Variants in PRKACB observed in about 807,000 individuals in gnomAD.
PRKACB encodes the protein cAMP-dependent protein kinase catalytic subunit beta.
Under a neutral mutation model 51.4 loss-of-function variants are expected in PRKACB, and 16 were observed. The ratio of observed to expected loss-of-function variants is 0.31; its 90% CI spans 0.21 to 0.47. The LOEUF (loss-of-function observed/expected upper bound fraction) is 0.47, where lower values mean the gene tolerates loss of function less well. Among genes scored for constraint, PRKACB ranks in the 20% least tolerant of loss-of-function variants. PRKACB has a pLI of 1.00. For missense variants in PRKACB, 309 were observed against 464.5 expected (o/e 0.67, Z 3.08); for synonymous variants, 147 against 154.4 (o/e 0.95, Z 0.35).
chr1:84,140,081 T>C (rs764622097), upstream of PRKACB, among the ~76,000 whole-genome samples: 2 of 151,350 alleles, frequency 1.3e-5, no homozygotes, highest in Non-Finnish European at 3.0e-5. Context: ...GAAAAAAAAA[T>C]AGAAGATTTA....
intron 8 of PRKACB, 82 bp downstream of exon 8, chr1:84,202,887 AATT>A (rs1572405940): frequency 1.7e-6 from 2 of 1,209,154 alleles, no homozygotes; most frequent in Non-Finnish European, 2.2e-6. Flanking sequence ...ATTGTGTCAT[AATT>A]ATTATTCTAC....
rs1676737857 is a variant in PRKACB at position 84,237,229 on chromosome 1, T to C, written c.*1924T>C. ...TCATGTTAATAAATTTAAAACATCA[T>C]TCGTATAAAATATTTTAATTTTCTT... On this transcript the variant is annotated 3_prime_UTR_variant, in exon 10 of 10. Transcript: ENST00000370685. 1 of 152,606 alleles carries C rather than the reference T, an allele frequency of 6.6e-6. No individual in the cohort carries two copies. Among genetic ancestry groups the C allele is most frequent in the Non-Finnish European group, 1.5e-5 (1 of 67,994 alleles). 9.5% of individuals were successfully genotyped at this position (152,606 alleles called of 1,614,324 possible).
At chr1:84,172,435 T>C (rs906582717) in intron 1 of PRKACB, among the ~76,000 whole-genome samples, 3 of 151,694 alleles carry the variant, frequency 2.0e-5, no homozygotes, top group Non-Finnish European at 4.4e-5. Context: ...TACAAAATTA[T>C]GTAGGAAACA....
upstream of PRKACB, among the ~76,000 whole-genome samples, chr1:84,139,847 A>G (rs1286873787): frequency 6.6e-6 from 1 of 152,230 alleles, no homozygotes; most frequent in Non-Finnish European, 1.5e-5. Flanking sequence ...TCACGAGGTC[A>G]GGAGATTGAG....
chr1:84,224,589 C>T (rs1674266959), intron 9 of PRKACB, among the ~76,000 whole-genome samples: 1 of 151,954 alleles, frequency 6.6e-6, no homozygotes, highest in Admixed American at 6.6e-5. Flanking sequence ...TCCCCAGGCC[C>T]TCAGATGGCA....
intron 1 of PRKACB, among the ~76,000 whole-genome samples, chr1:84,168,860 G>A (rs1435680581): frequency 6.6e-6 from 1 of 151,510 alleles, no homozygotes; most frequent in African/African-American, 2.4e-5. Flanking sequence ...TTGAAAAGTG[G>A]CCTCTCTTTA....
intron 1 of PRKACB, among the ~76,000 whole-genome samples, chr1:84,166,293 G>GTATGTATTATATGTAT (rs1657451255): frequency 6.6e-6 from 1 of 151,538 alleles, no homozygotes; most frequent in African/African-American, 2.4e-5. Flanking sequence ...GAATATACCT[G>GTATGTATTATATGTAT]GTTGTCATAC....
At chr1:84,098,795 C>T (rs1040201569) in intron 1 of PRKACB, among the ~76,000 whole-genome samples, 6 of 151,864 alleles carry the variant, frequency 4.0e-5, no homozygotes, top group South Asian at 4.1e-4. Flanking sequence ...ATAGACAAAA[C>T]GAGAGAGAGG....
At chr1:84,142,811 C>T (rs138502960), upstream of PRKACB, among the ~76,000 whole-genome samples, 357 of 152,298 alleles carry the variant, frequency 2.3e-3, 3 homozygotes, top group African/African-American at 8.3e-3. Context: ...GCAAAATTCA[C>T]TAATCAGTGT....
At chr1:84,118,804 G>T (rs1403013399) in intron 1 of PRKACB, among the ~76,000 whole-genome samples, 1 of 152,010 alleles carries the variant, frequency 6.6e-6, no homozygotes, top group Non-Finnish European at 1.5e-5. Flanking sequence ...AGTTGAGGAA[G>T]GTGGGAAGTC....
At chr1:84,230,653 T>C (rs1444315229) in intron 9 of PRKACB, among the ~76,000 whole-genome samples, 5 of 150,992 alleles carry the variant, frequency 3.3e-5, no homozygotes, top group Admixed American at 3.3e-4. Context: ...TTCACATCCC[T>C]TGTAAGTTGG....
chr1:84,173,182 T>C (rs1172345195), intron 1 of PRKACB: 2 of 498,228 alleles, frequency 4.0e-6, no homozygotes, highest in Admixed American at 8.3e-5. Context: ...GTAATCCTTA[T>C]ATAATACATT....
At chr1:84,103,917 C>G (rs1004058857) in intron 1 of PRKACB, among the ~76,000 whole-genome samples, 6 of 152,112 alleles carry the variant, frequency 3.9e-5, no homozygotes, top group African/African-American at 1.4e-4. Flanking sequence ...GTGTAATGAT[C>G]AAATCAGGGT....
intron 1 of PRKACB, among the ~76,000 whole-genome samples, chr1:84,148,128 G>A (rs1220837530): frequency 1.3e-5 from 2 of 152,040 alleles, no homozygotes; most frequent in Non-Finnish European, 2.9e-5. Flanking sequence ...GTCAGATAAT[G>A]GATTCCTTTT....
chr1:84,204,574 A>G (rs1671037182), intron 8 of PRKACB: 2 of 1,533,614 alleles, frequency 1.3e-6, no homozygotes, highest in African/African-American at 1.4e-5. Context: ...TAGACTCTCA[A>G]GAGGACTAAA....
intron 9 of PRKACB, among the ~76,000 whole-genome samples, chr1:84,224,967 C>CTG (rs1228440740): frequency 6.6e-6 from 1 of 152,148 alleles, no homozygotes; most frequent in African/African-American, 2.4e-5. Context: ...ATGCCAGTGG[C>CTG]TGATAGCCTG....
At chr1:84,130,189 CAAAA>C (rs71097833) in intron 1 of PRKACB, among the ~76,000 whole-genome samples, 20 of 56,182 alleles carry the variant, frequency 3.6e-4, no homozygotes, top group African/African-American at 1.3e-3. Flanking sequence ...GACTCCGTCT[CAAAA>C]AAAAAAAAAA....
chr1:84,104,302 C>T (rs1057057048), intron 1 of PRKACB, among the ~76,000 whole-genome samples: 2 of 152,130 alleles, frequency 1.3e-5, no homozygotes, highest in Non-Finnish European at 2.9e-5. Context: ...CCACAAATAA[C>T]AGGATTTCAT....
At chr1:84,162,162 T>G (rs2100703066) in intron 1 of PRKACB, among the ~76,000 whole-genome samples, 1 of 152,182 alleles carries the variant, frequency 6.6e-6, no homozygotes, top group Middle Eastern at 3.4e-3. Flanking sequence ...GAGAAGTCAT[T>G]AATCATATTT....
Sources: allele counts gnomAD v4.1 joint callset (sites outside exome capture counted in the v4.1 genomes callset), GRCh38; gene constraint gnomAD v4.1.1; transcripts MANE v1.5; gene names NCBI Gene and HGNC (gene_info 2026-07-23, HGNC 2026-07-21).